The following TEAD1 variants were observed in gnomAD, a reference collection of about 807,000 sequenced individuals.
The protein encoded by TEAD1 is TEA domain transcription factor 1.
A neutral mutation model predicts 54.9 loss-of-function variants in TEAD1; 9 were observed. The observed-to-expected ratio is 0.16, with a 90% CI of 0.10 to 0.29. The LOEUF is 0.29. TEAD1 is among the 10% of genes least tolerant of loss of function. The pLI is 1.00. For synonymous variants in TEAD1, 200 were observed against 187.8 expected (o/e 1.07, Z -0.53); for missense variants, 387 against 535.9 (o/e 0.72, Z 2.74).
intron 3 of TEAD1, among the ~76,000 whole-genome samples, chr11:12,835,687 C>T (rs1564957499): frequency 6.6e-6 from 1 of 151,742 alleles, no homozygotes; most frequent in Non-Finnish European, 1.5e-5. Context: ...ATATGGCTGG[C>T]CTAGAAGAAT....
chr11:12,784,059 G>A (rs1156625008), intron 3 of TEAD1, among the ~76,000 whole-genome samples: 8 of 152,192 alleles, frequency 5.3e-5, no homozygotes, highest in African/African-American at 1.9e-4. Flanking sequence ...GATGAGGAGG[G>A]CTTGAACTAG....
At chr11:12,831,548 T>G (rs1385129666) in intron 3 of TEAD1, among the ~76,000 whole-genome samples, 1 of 152,146 alleles carries the variant, frequency 6.6e-6, no homozygotes, top group East Asian at 1.9e-4. Flanking sequence ...TTGTTGTGTT[T>G]TTTGTTTGTT....
intron 2 of TEAD1, among the ~76,000 whole-genome samples, chr11:12,733,728 G>A (rs1028528901): frequency 6.6e-6 from 1 of 152,214 alleles, no homozygotes; most frequent in Non-Finnish European, 1.5e-5. Context: ...ACACTTGTTT[G>A]TGTGAATGTA....
chr11:12,702,323 A>C (rs1193187337), intron 2 of TEAD1, among the ~76,000 whole-genome samples: 1 of 152,104 alleles, frequency 6.6e-6, no homozygotes, highest in African/African-American at 2.4e-5. Flanking sequence ...ATCGTGGACA[A>C]CGTTAAGTGG....
chr11:12,894,866 G>A (rs933404838), intron 9 of TEAD1, among the ~76,000 whole-genome samples: 6 of 152,200 alleles, frequency 3.9e-5, no homozygotes, highest in African/African-American at 1.2e-4. Context: ...ACAGTGTTAT[G>A]TGTTTTCCTT....
intron 2 of TEAD1, among the ~76,000 whole-genome samples, chr11:12,740,081 G>A (rs1306904420): frequency 6.6e-6 from 1 of 152,186 alleles, no homozygotes; most frequent in South Asian, 2.1e-4. Flanking sequence ...AGTGGCTTGG[G>A]AGTCTTGTCT....
intron 2 of TEAD1, among the ~76,000 whole-genome samples, chr11:12,696,886 C>T (rs60864974): frequency 0.1 from 15,826 of 152,008 alleles, 2,719 homozygotes; most frequent in African/African-American, 0.36. Context: ...AGGGAACTGA[C>T]TCCGGTTCCT....
At chr11:12,689,806 C>G (rs377720703) in intron 2 of TEAD1, among the ~76,000 whole-genome samples, 85 of 152,172 alleles carry the variant, frequency 5.6e-4, no homozygotes, top group African/African-American at 1.8e-3. Context: ...ACTCCTGGCT[C>G]CTCTCCCACC....
intron 9 of TEAD1, among the ~76,000 whole-genome samples, chr11:12,891,542 G>A (rs566332580): frequency 3.5e-4 from 54 of 152,388 alleles, no homozygotes; most frequent in African/African-American, 1.2e-3. Flanking sequence ...GACCAAGGAT[G>A]CTGATAAGAT....
At chr11:12,680,544 G>T (rs1393394119) in intron 2 of TEAD1, among the ~76,000 whole-genome samples, 1 of 152,206 alleles carries the variant, frequency 6.6e-6, no homozygotes. Context: ...CTAGCTGGGA[G>T]CCTGCCTGGC....
At chr11:12,756,507 T>A (rs1944985818) in intron 2 of TEAD1, among the ~76,000 whole-genome samples, 1 of 152,216 alleles carries the variant, frequency 6.6e-6, no homozygotes, top group Admixed American at 6.5e-5. Flanking sequence ...CAACCCACTT[T>A]ACATATGCAA....
At chr11:12,852,660 C>CTGG (rs1382504231) in intron 3 of TEAD1, among the ~76,000 whole-genome samples, 1 of 152,044 alleles carries the variant, frequency 6.6e-6, no homozygotes, top group Non-Finnish European at 1.5e-5. Context: ...GTTGGCCAGG[C>CTGG]TGGTCTCAAA....
At chr11:12,784,407 T>G (rs1027765788) in intron 3 of TEAD1, among the ~76,000 whole-genome samples, 4 of 152,122 alleles carry the variant, frequency 2.6e-5, no homozygotes, top group Admixed American at 2.6e-4. Context: ...TTGGAAAACA[T>G]CATCACAGGG....
At chr11:12,912,284 G>T (rs191166906) in intron 10 of TEAD1, among the ~76,000 whole-genome samples, 3 of 152,240 alleles carry the variant, frequency 2.0e-5, no homozygotes, top group Non-Finnish European at 4.4e-5. Context: ...CAGACATGTG[G>T]GCAGGTGAAC....
intron 2 of TEAD1, among the ~76,000 whole-genome samples, chr11:12,716,435 T>C (rs1191854936): frequency 1.1e-4 from 16 of 152,226 alleles, no homozygotes; most frequent in Admixed American, 5.9e-4. Flanking sequence ...TCCCTGGACC[T>C]GAACCTGTGA....
At chr11:12,798,259 G>A (rs1212243330) in intron 3 of TEAD1, among the ~76,000 whole-genome samples, 1 of 152,090 alleles carries the variant, frequency 6.6e-6, no homozygotes, top group African/African-American at 2.4e-5. Flanking sequence ...GGAGCTTCCA[G>A]TTCCACCCCC....
At chr11:12,751,009 CA>C (rs1944858503) in intron 2 of TEAD1, among the ~76,000 whole-genome samples, 1 of 152,094 alleles carries the variant, frequency 6.6e-6, no homozygotes, top group Non-Finnish European at 1.5e-5. Flanking sequence ...TGCTGAATGC[CA>C]AACATAGAAA....
At chr11:12,758,814 A>T (rs1306391221) in intron 2 of TEAD1, among the ~76,000 whole-genome samples, 1 of 152,130 alleles carries the variant, frequency 6.6e-6, no homozygotes, top group Non-Finnish European at 1.5e-5. Flanking sequence ...AAGTGCTGGG[A>T]TTAGAGGCCT....
chr11:12,735,536 C>T (rs1944512696), intron 2 of TEAD1, among the ~76,000 whole-genome samples: 1 of 151,902 alleles, frequency 6.6e-6, no homozygotes, highest in Non-Finnish European at 1.5e-5. Flanking sequence ...TCTCTGCCCG[C>T]CCTCCTTGTC....
Sources: gnomAD v4.1 joint callset for allele counts (sites outside exome capture counted in the v4.1 genomes callset) on GRCh38, gnomAD v4.1.1 for gene constraint, MANE v1.5 for transcripts, NCBI Gene and HGNC (gene_info 2026-07-23, HGNC 2026-07-21) for gene names.